SBF2: variants seen among roughly 807,000 people sequenced by gnomAD.
SBF2 encodes the protein SET binding factor 2, also known as myotubularin-related protein 13.
A neutral mutation model predicts 225.2 loss-of-function variants in SBF2; 112 were observed. The observed-to-expected ratio is 0.50, with a 90% confidence interval of 0.43 to 0.58. The LOEUF (loss-of-function observed/expected upper bound fraction) is 0.58. Ranked by LOEUF, SBF2 falls within the 20% of genes least tolerant of loss-of-function variation. SBF2 has a pLI of 0.00. For synonymous variants in SBF2, 763 were observed against 773.3 expected, an observed-to-expected ratio of 0.99 and a Z score of 0.22; for missense variants, 1,996 against 2,206.2, an observed-to-expected ratio of 0.90 and a Z score of 1.91.
chr11:9,941,952 A>G (rs1263102082), intron 16 of SBF2, among the ~76,000 whole-genome samples: 1 of 152,220 alleles, frequency 6.6e-6, no homozygotes, highest in African/African-American at 2.4e-5. Flanking sequence ...ATTTCTATAT[A>G]TTTTAAAAAA....
intron 2 of SBF2, 43 bp from the exon 3 acceptor site, chr11:10,043,024 A>G (rs1565166427): frequency 3.2e-6 from 5 of 1,570,578 alleles, no homozygotes; most frequent in East Asian, 2.4e-5. Flanking sequence ...AAAAACAATA[A>G]AAGTTAATTA....
Position 9,853,560 on chromosome 11 carries a change from C to G in SBF2, c.2516G>C (p.Ser839Thr), listed in dbSNP as rs1060500002. 6.2e-6 allele frequency: 10 copies of G among 1,613,834 alleles called. No individual in the cohort carries two copies. The highest frequency in any genetic ancestry group is 8.5e-6 in the Non-Finnish European group (10 of 1,179,900). Residue 839 changes from serine to threonine, a missense_variant, in exon 20 of 40, where the codon AGC becomes ACC. Ser to Thr is a moderately conservative substitution (Grantham distance 58). Transcript: ENST00000256190. ...ATTACCTGGTATCATGCAATGAAGGCTCTTGATGTGATCCTGAGTAACTCC... is the reference window on the plus strand; with the variant it reads ...ATTACCTGGTATCATGCAATGAAGGGTCTTGATGTGATCCTGAGTAACTCC... ...ESGVTQDHIK[S>T]LHCMIPGIVA...
At chr11:10,298,810 C>A (rs1964571077), upstream of SBF2, among the ~76,000 whole-genome samples, 1 of 152,182 alleles carries the variant, frequency 6.6e-6, no homozygotes, top group East Asian at 1.9e-4. Context: ...TTCTCTCCAC[C>A]CTCACTGCCA....
intron 2 of SBF2, among the ~76,000 whole-genome samples, chr11:10,181,306 T>C (rs1299781891): frequency 1.3e-5 from 2 of 152,134 alleles, no homozygotes; most frequent in African/African-American, 4.8e-5. Context: ...GAGCAAGCTA[T>C]GAAATCTGAG....
At chr11:10,178,898 T>A (rs988555280) in intron 2 of SBF2, among the ~76,000 whole-genome samples, 1 of 148,180 alleles carries the variant, frequency 6.7e-6, no homozygotes, top group Admixed American at 6.8e-5. Context: ...TGCACACGTA[T>A]GTTTATTGTG....
chr11:10,035,084 C>T (rs1257673342), intron 3 of SBF2, among the ~76,000 whole-genome samples: 1 of 152,170 alleles, frequency 6.6e-6, no homozygotes, highest in Admixed American at 6.5e-5. Flanking sequence ...CCTGCCTCAG[C>T]CTCCTGAGAG....
intron 3 of SBF2, among the ~76,000 whole-genome samples, chr11:10,033,627 T>C (rs769547232): frequency 6.6e-6 from 1 of 151,650 alleles, no homozygotes; most frequent in Non-Finnish European, 1.5e-5. Flanking sequence ...AAAATTCTTA[T>C]TTCTGCTTTT....
intron 16 of SBF2, among the ~76,000 whole-genome samples, chr11:9,939,067 GCTTT>G (rs1865084821): frequency 6.6e-6 from 1 of 151,760 alleles, no homozygotes; most frequent in African/African-American, 2.4e-5. Flanking sequence ...AAACAAGCAT[GCTTT>G]ATTTCTTTAT....
chr11:10,070,812 T>C (rs897042346), intron 2 of SBF2, among the ~76,000 whole-genome samples: 4 of 152,242 alleles, frequency 2.6e-5, no homozygotes, highest in Non-Finnish European at 5.9e-5. Flanking sequence ...TTTTTCCATT[T>C]GTTTGTGTCC....
chr11:9,878,053 C>T (rs535396938), intron 17 of SBF2, among the ~76,000 whole-genome samples: 145 of 152,290 alleles, frequency 9.5e-4, no homozygotes, highest in African/African-American at 3.3e-3. Context: ...TCCGCTCCAG[C>T]ATCTGTTGTT....
chr11:10,067,539 A>AAAAAACAAAAAC (rs763911240), intron 2 of SBF2, among the ~76,000 whole-genome samples: 2 of 152,164 alleles, frequency 1.3e-5, no homozygotes, highest in Non-Finnish European at 2.9e-5. Flanking sequence ...ACATTAACCA[A>AAAAAACAAAAAC]AAAAACAAAA....
At chr11:10,005,238 A>G (rs568056774) in intron 6 of SBF2, among the ~76,000 whole-genome samples, 1 of 152,280 alleles carries the variant, frequency 6.6e-6, no homozygotes, top group East Asian at 1.9e-4. Flanking sequence ...TAACTGGTAT[A>G]TGACCCTCTA....
intron 3 of SBF2, among the ~76,000 whole-genome samples, chr11:10,033,813 A>C (rs1192354683): frequency 1.3e-5 from 2 of 152,120 alleles, no homozygotes; most frequent in Admixed American, 1.3e-4. Flanking sequence ...TCTTCTATAT[A>C]GCTGCTAGAT....
intron 1 of SBF2, among the ~76,000 whole-genome samples, chr11:10,283,382 T>C (rs1305310103): frequency 2.0e-5 from 3 of 152,152 alleles, no homozygotes; most frequent in Non-Finnish European, 4.4e-5. Context: ...CAATTATCAA[T>C]TTTTACAATG....
chr11:9,867,198 T>C (rs1858295962), intron 17 of SBF2, among the ~76,000 whole-genome samples: 1 of 152,204 alleles, frequency 6.6e-6, no homozygotes. Flanking sequence ...CATAAAGTGA[T>C]TATTACATAA....
intron 9 of SBF2, among the ~76,000 whole-genome samples, chr11:9,997,548 G>A (rs1365101734): frequency 6.6e-6 from 1 of 152,246 alleles, no homozygotes; most frequent in Non-Finnish European, 1.5e-5. Flanking sequence ...GGAGGCCAAA[G>A]CGGGCAGATC....
intron 1 of SBF2, among the ~76,000 whole-genome samples, chr11:10,251,432 ATAG>A (rs1294007871): frequency 6.6e-6 from 1 of 152,226 alleles, no homozygotes; most frequent in Non-Finnish European, 1.5e-5. Context: ...ATGCTAAATA[ATAG>A]AATTGGCTAA....
At chr11:9,850,337 C>T (rs1387871085) in intron 21 of SBF2, 119 bp from the exon 22 acceptor site, 5 of 898,588 alleles carry the variant, frequency 5.6e-6, no homozygotes, top group South Asian at 4.2e-5. Flanking sequence ...TTCACTGCAG[C>T]ATCAAACTCC....
rs1413590758 is a variant in SBF2 at position 9,920,716 on chromosome 11, C to T, written c.1861-24705G>A. On this transcript the variant is annotated intron_variant, in intron 16 of 39. Coordinates refer to ENST00000256190, the MANE Select transcript of SBF2 (RefSeq NM_030962.4). ...TTAAAATACTAGCTGCAGAAGGAGG[C>T]CAATTTCCCGAAACAAAAGTGAGTG... Among the ~76,000 whole-genome samples, 3 of 152,206 alleles carry T rather than the reference C, an allele frequency of 2.0e-5. No individual in the cohort carries two copies. In the East Asian group the frequency reaches 5.8e-4, roughly 29 times the overall value.
Sources: gnomAD v4.1 joint callset for allele counts (sites outside exome capture counted in the v4.1 genomes callset) on GRCh38, gnomAD v4.1.1 for gene constraint, MANE v1.5 for transcripts, NCBI Gene and HGNC (gene_info 2026-07-23, HGNC 2026-07-21) for gene names.